NBPF14: variants seen among roughly 807,000 people sequenced by gnomAD.
NBPF14 encodes NBPF member 14, also known as NBPF family member NBPF14.
A neutral mutation model predicts 91.2 loss-of-function variants in NBPF14; 104 were observed. The ratio of observed to expected loss-of-function variants is 1.14; its 90% confidence interval spans 0.97 to 1.34. The LOEUF (loss-of-function observed/expected upper bound fraction) is 1.34. NBPF14 is among the 40% of genes most tolerant of loss of function. NBPF14 has a pLI of 0.00. For synonymous variants in NBPF14, 294 were observed against 303.8 expected (o/e 0.97, Z 0.34); for missense variants, 908 against 783.0 (o/e 1.16, Z -1.91).
rs1441820270 is a variant in NBPF14 at position 148,577,667 on chromosome 1, C to T, written c.1854-312G>A. ...ACACTCTGTATTTGTGCTCTCAGGA[C>T]ACACAGTGAACAGTGATCATGAAAA... On this transcript the variant is annotated intron_variant, in intron 14 of 70. Transcript: ENST00000619423. Among the ~76,000 whole-genome samples, 14 of 148,502 alleles carry T rather than the reference C, an allele frequency of 9.4e-5. No individual in the cohort carries two copies. The South Asian group carries it at 1.3e-3, about 14-fold the overall frequency.
At chr1:148,595,352 A>G (rs1663149902) in intron 2 of NBPF14, among the ~76,000 whole-genome samples, 191 bp downstream of exon 2, 1 of 148,428 alleles carries the variant, frequency 6.7e-6, no homozygotes, top group Admixed American at 6.7e-5. Context: ...TCTGATTGCA[A>G]ACATGGAAAG....
At chr1:148,566,689 A>T (rs1306304248) in intron 28 of NBPF14, among the ~76,000 whole-genome samples, 1 of 121,544 alleles carries the variant, frequency 8.2e-6, no homozygotes, top group Non-Finnish European at 1.8e-5. Context: ...TTTTCCATAA[A>T]ATGTGCTCAA....
chr1:148,577,675 G>T (rs1331414171), intron 14 of NBPF14, among the ~76,000 whole-genome samples: 2 of 147,872 alleles, frequency 1.4e-5, no homozygotes, highest in Non-Finnish European at 3.0e-5. Context: ...GACACACAGT[G>T]AACAGTGATC....
At chr1:148,572,363 A>G in intron 21 of NBPF14, 80 bp downstream of exon 21, 1 of 340,638 alleles carries the variant, frequency 2.9e-6, no homozygotes, top group East Asian at 5.0e-5. Context: ...TCGGGTCAGT[A>G]AGGGGCACTT....
intron 64 of NBPF14, among the ~76,000 whole-genome samples, 200 bp from the exon 65 acceptor site, chr1:148,538,206 A>T (rs1655340790): frequency 1.5e-5 from 1 of 64,832 alleles, no homozygotes; most frequent in African/African-American, 6.9e-5. Flanking sequence ...ACAGATAGAC[A>T]CACACACACA....
At chr1:148,534,978 A>C (rs1654788690) in intron 68 of NBPF14, 122 bp from the exon 69 acceptor site, 1 of 732,486 alleles carries the variant, frequency 1.4e-6, no homozygotes, top group African/African-American at 1.9e-5. Flanking sequence ...TCCATTAATG[A>C]GGTAACGAAT....
At chr1:148,566,269 C>A (rs1238356756) in exon 29 of NBPF14, 1 of 655,900 alleles carries the variant, frequency 1.5e-6, no homozygotes, top group Non-Finnish European at 2.7e-6. Context: ...TCCAGTGAGT[C>A]CTGCAAGACT....
intron 35 of NBPF14, 147 bp downstream of exon 35, chr1:148,561,260 T>G: frequency 3.8e-5 from 2 of 52,268 alleles, no homozygotes; most frequent in Non-Finnish European, 6.0e-5. Flanking sequence ...CAGGTAGAAC[T>G]AGAGTTTCAT....
chr1:148,533,934 C>G, exon 70 of NBPF14: 1 of 741,960 alleles, frequency 1.3e-6, no homozygotes. Flanking sequence ...GATCTTCTTC[C>G]CCTTCTTTTT....
intron 8 of NBPF14, among the ~76,000 whole-genome samples, 156 bp downstream of exon 8, chr1:148,587,145 C>T (rs1465720815): frequency 1.3e-5 from 2 of 148,564 alleles, no homozygotes; most frequent in Non-Finnish European, 3.0e-5. Context: ...TTTTACTATC[C>T]TTCTTCTCTG....
chr1:148,586,933 A>G (rs1162499724), intron 8 of NBPF14, among the ~76,000 whole-genome samples: 1 of 144,916 alleles, frequency 6.9e-6, no homozygotes, highest in African/African-American at 2.5e-5. Context: ...TGAGTGAAAG[A>G]ATGAGAAGCC....
chr1:148,571,248 C>G (rs1295518808), intron 22 of NBPF14, among the ~76,000 whole-genome samples: 1 of 86,520 alleles, frequency 1.2e-5, no homozygotes, highest in South Asian at 4.0e-4. Context: ...CACACACACA[C>G]ACACACACAC....
intron 58 of NBPF14, among the ~76,000 whole-genome samples, chr1:148,542,959 CACAGAGAGAGAG>C (rs1437097895): frequency 5.2e-5 from 1 of 19,348 alleles, no homozygotes; most frequent in African/African-American, 2.0e-4. Context: ...CACACACACA[CACAGAGAGAGAG>C]AGAACGAGCT....
In NBPF14 at chr1:148,594,991, C is replaced by T. The variant is rs1428478629; in HGVS notation, c.175+552G>A. On this transcript the variant is annotated intron_variant, in intron 2 of 70. Coordinates refer to ENST00000619423, the Ensembl canonical transcript of NBPF14. ...GATTATAGGAGTGAGCCACGTTGCA[C>T]GGCCCCTACTCCCTGCTCTTGATGC... Among the ~76,000 whole-genome samples the T allele has an allele frequency of 2.1e-4, 27 of 130,574 alleles. 2 individuals carry two copies. The highest frequency in any genetic ancestry group is 3.0e-4 in the African/African-American group (10 of 32,814). 85.7% of individuals were successfully genotyped at this position (130,574 alleles called of 152,430 possible).
chr1:148,533,417 C>A (rs1553331388), intron 70 of NBPF14, among the ~76,000 whole-genome samples, 169 bp from the exon 71 acceptor site: 1 of 149,782 alleles, frequency 6.7e-6, no homozygotes, highest in Middle Eastern at 3.4e-3. Flanking sequence ...AGAACAGGGC[C>A]AGGTAGAAAA....
intron 40 of NBPF14, among the ~76,000 whole-genome samples, chr1:148,557,169 C>A (rs1656755704): frequency 9.6e-6 from 1 of 103,934 alleles, no homozygotes; most frequent in Non-Finnish European, 1.8e-5. Context: ...GAGTTAGTGC[C>A]CTCAGGACAC....
At chr1:148,566,586 G>A (rs1282824495) in intron 28 of NBPF14, among the ~76,000 whole-genome samples, 13 of 142,524 alleles carry the variant, frequency 9.1e-5, no homozygotes, top group African/African-American at 3.3e-4. Flanking sequence ...AATTGTCCAG[G>A]TGACACACTG....
At chr1:148,591,316 T>G in intron 5 of NBPF14, 116 bp downstream of exon 5, 1 of 1,432,732 alleles carries the variant, frequency 7.0e-7, no homozygotes, top group Non-Finnish European at 9.8e-7. Flanking sequence ...GAATTTCACA[T>G]ACTGTGGCCA....
intron 37 of NBPF14, 114 bp downstream of exon 37, chr1:148,559,679 G>C (rs1249745256): frequency 4.6e-6 from 3 of 656,482 alleles, no homozygotes; most frequent in East Asian, 3.0e-5. Context: ...GTGCCTATAG[G>C]TCCTCCCTGT....
Sources: gnomAD v4.1 joint callset for allele counts (sites outside exome capture counted in the v4.1 genomes callset) on GRCh38, gnomAD v4.1.1 for gene constraint, MANE v1.5 for transcripts, NCBI Gene and HGNC (gene_info 2026-07-23, HGNC 2026-07-21) for gene names.